FARP1: variants seen among roughly 807,000 people sequenced by gnomAD.
FARP1 encodes FERM, ARHGEF and pleckstrin domain-containing protein 1.
Under a neutral mutation model 128.8 loss-of-function variants are expected in FARP1, and 52 were observed. The observed-to-expected ratio is 0.40, with a 90% confidence interval of 0.32 to 0.51. The LOEUF (loss-of-function observed/expected upper bound fraction) is 0.51, where lower values mean the gene tolerates loss of function less well. FARP1 is among the 20% of genes least tolerant of loss of function. The probability of loss-of-function intolerance (pLI) is 0.45; values close to 1 mark genes in which losing one functional copy is unlikely to be tolerated. For synonymous variants in FARP1, 580 were observed against 551.8 expected (o/e 1.05, Z -0.72); for missense variants, 1,333 against 1,367.9 (o/e 0.97, Z 0.40).
At chr13:98,277,693 C>G (rs1884725945) in intron 2 of FARP1, among the ~76,000 whole-genome samples, 1 of 152,220 alleles carries the variant, frequency 6.6e-6, no homozygotes, top group Non-Finnish European at 1.5e-5. Context: ...AGTCTCAGTT[C>G]CCTGGGCTTG....
intron 26 of FARP1, 78 bp from the exon 27 acceptor site, chr13:98,448,158 T>TTCTGTAAGCGATGCCCACCAAA (rs1892975000): frequency 5.6e-6 from 7 of 1,254,518 alleles, no homozygotes; most frequent in Non-Finnish European, 8.2e-6. Flanking sequence ...CACCTTGTGT[T>TTCTGTAAGCGATGCCCACCAAA]TCTGTAAGCG....
intron 1 of FARP1, among the ~76,000 whole-genome samples, chr13:98,144,863 G>C (rs183575496): frequency 6.6e-6 from 1 of 152,100 alleles, no homozygotes; most frequent in African/African-American, 2.4e-5. Context: ...CAGTGTTCTC[G>C]TAGGGGGTTT....
At position 98,449,166 on chromosome 13, in the gene FARP1, T is replaced by C. The variant is rs1893058621; in HGVS notation, c.*849T>C. The C allele has an allele frequency of 6.6e-6, 1 of 152,246 alleles. No homozygotes were observed. Among genetic ancestry groups the C allele is most frequent in the Admixed American group, 6.5e-5 (1 of 15,284 alleles). 9.4% of individuals were successfully genotyped at this position (152,246 alleles called of 1,614,324 possible). A position where few individuals can be genotyped will look rare whatever the true frequency, so the allele number is the denominator to read the frequency against. On this transcript the variant is annotated 3_prime_UTR_variant, in exon 27 of 27. Coordinates refer to ENST00000319562, the MANE Select transcript of FARP1 (RefSeq NM_005766.4). ...TCATTGATCAGCACCATTTGTGGTA[T>C]GTTCCGTGATGAGCGTTTAGTGAGC...
At chr13:98,224,739 A>G (rs960313911) in intron 2 of FARP1, among the ~76,000 whole-genome samples, 4 of 151,998 alleles carry the variant, frequency 2.6e-5, no homozygotes, top group Admixed American at 6.6e-5. Context: ...GCCTGCAGGC[A>G]GGCAGTGAGA....
intron 1 of FARP1, among the ~76,000 whole-genome samples, chr13:98,182,180 T>G (rs1489204941): frequency 6.6e-6 from 1 of 152,326 alleles, no homozygotes; most frequent in East Asian, 1.9e-4. Context: ...AACATTTCTA[T>G]TCTAATAATG....
intron 1 of FARP1, among the ~76,000 whole-genome samples, chr13:98,171,331 C>T (rs1877638332): frequency 6.6e-6 from 1 of 152,170 alleles, no homozygotes; most frequent in Non-Finnish European, 1.5e-5. Context: ...CTAGCCTCTT[C>T]GTATAGTGAC....
At chr13:98,260,232 T>G (rs924641329) in intron 2 of FARP1, among the ~76,000 whole-genome samples, 11 of 152,182 alleles carry the variant, frequency 7.2e-5, no homozygotes, top group African/African-American at 2.7e-4. Context: ...CTGCACAGCA[T>G]GAAGAAGGTA....
chr13:98,453,043 C>G lies in FARP1; in HGVS notation c.*4726C>G, dbSNP rs754761550. On this transcript the variant is annotated 3_prime_UTR_variant, in exon 27 of 27. Transcript: ENST00000319562. ...ACTGTGTGTGTCCCTGGACGGGCGCCTGGCGCTGGGGTGGCTCCCAGTGGC... is the reference window on the plus strand; with the variant it reads ...ACTGTGTGTGTCCCTGGACGGGCGCGTGGCGCTGGGGTGGCTCCCAGTGGC... 5.9e-6 allele frequency: 6 copies of G among 1,014,554 alleles called. No homozygotes were observed. The highest frequency in any genetic ancestry group is 8.8e-6 in the Non-Finnish European group (6 of 682,218). 62.8% of individuals were successfully genotyped at this position (1,014,554 alleles called of 1,614,324 possible). A position where few individuals can be genotyped will look rare whatever the true frequency, so the allele number is the denominator to read the frequency against.
At chr13:98,153,467 T>TAATACATTATATAA (rs1876216536) in intron 1 of FARP1, among the ~76,000 whole-genome samples, 1 of 42,094 alleles carries the variant, frequency 2.4e-5, no homozygotes, top group Non-Finnish European at 9.1e-5. Flanking sequence ...ACATTATATA[T>TAATACATTATATAA]AAATATGTAT....
At chr13:98,153,048 A>G (rs1006765419) in intron 1 of FARP1, among the ~76,000 whole-genome samples, 1 of 151,862 alleles carries the variant, frequency 6.6e-6, no homozygotes, top group Admixed American at 6.6e-5. Flanking sequence ...TAATATTGTT[A>G]GGAACTTTGT....
At chr13:98,181,785 T>C (rs1489842616) in intron 1 of FARP1, among the ~76,000 whole-genome samples, 1 of 152,052 alleles carries the variant, frequency 6.6e-6, no homozygotes, top group East Asian at 1.9e-4. Flanking sequence ...TGAGCCACTG[T>C]GCCTGGCCAA....
In FARP1 at chr13:98,442,847, G is replaced by A. The variant is rs115947012; in HGVS notation, c.2796+2011G>A. Reference sequence around the variant, plus strand: ...GGAGGAACCGTCTTGGCCTTGCTTCGTCCTGACCTCAGCAATGTGTGAATT... The same window carrying A: ...GGAGGAACCGTCTTGGCCTTGCTTCATCCTGACCTCAGCAATGTGTGAATT... On this transcript the variant is annotated intron_variant, in intron 24 of 26. Transcript: ENST00000319562. 7.9e-3 allele frequency among the ~76,000 whole-genome samples: 1,207 copies of A among 152,334 alleles called. 17 individuals carry two copies. Among genetic ancestry groups the A allele is most frequent in the African/African-American group, 0.028 (1,158 of 41,574 alleles).
At position 98,263,636 on chromosome 13, in the gene FARP1, G is replaced by A. The variant is rs558247013; in HGVS notation, c.171+50223G>A. 1.7e-4 allele frequency among the ~76,000 whole-genome samples: 26 copies of A among 152,312 alleles called. No homozygotes were observed. In the South Asian group the frequency reaches 5.0e-3, roughly 29 times the overall value. The stretch of plus-strand genomic sequence containing the variant: ...TTTCAATTAGCAATTGCTCTTTGAA[G>A]CAATCTCTTCTAAGGAAATAGGTAG... On this transcript the variant is annotated intron_variant, in intron 2 of 26. Coordinates refer to ENST00000319562, the MANE Select transcript of FARP1 (RefSeq NM_005766.4).
At chr13:98,309,675 C>T (rs568305412) in intron 2 of FARP1, among the ~76,000 whole-genome samples, 1 of 152,094 alleles carries the variant, frequency 6.6e-6, no homozygotes, top group Admixed American at 6.5e-5. Context: ...GAGGAGTTGC[C>T]ATATTTGGCA....
intron 11 of FARP1, among the ~76,000 whole-genome samples, chr13:98,392,851 G>A (rs1166847786): frequency 6.7e-6 from 1 of 149,322 alleles, no homozygotes; most frequent in Admixed American, 6.7e-5. Context: ...TTTTGGAGAT[G>A]AATCCCATAA....
At chr13:98,270,913 A>G (rs1884359430) in intron 2 of FARP1, among the ~76,000 whole-genome samples, 1 of 152,218 alleles carries the variant, frequency 6.6e-6, no homozygotes, top group East Asian at 1.9e-4. Context: ...AGGCCAGGGT[A>G]CGAGTCTAGA....
intron 3 of FARP1, among the ~76,000 whole-genome samples, chr13:98,364,255 G>T (rs1394287613): frequency 1.3e-5 from 2 of 152,090 alleles, no homozygotes; most frequent in Non-Finnish European, 1.5e-5. Flanking sequence ...CAGAAAAGTT[G>T]TACTAATCCA....
chr13:98,355,804 G>A (rs754088445), intron 3 of FARP1, among the ~76,000 whole-genome samples: 2 of 142,692 alleles, frequency 1.4e-5, no homozygotes, highest in Non-Finnish European at 3.2e-5. Context: ...TTTCTTTGTG[G>A]CATCCACAAA....
rs529352999 is a variant in FARP1, at chr13:98,337,292, G to T, written c.172-6470G>T. 1.1e-4 allele frequency among the ~76,000 whole-genome samples: 17 copies of T among 152,268 alleles called. No homozygotes were observed. The East Asian group carries it at 2.5e-3, about 22-fold the overall frequency. ...GGAGGCTGAGGTGGGAGGATCGCTT[G>T]AGCCCAGAGATTGAGGTTGCAGTGA... On this transcript the variant is annotated intron_variant, in intron 2 of 26. Transcript: ENST00000319562.
Sources: allele counts gnomAD v4.1 joint callset (sites outside exome capture counted in the v4.1 genomes callset), GRCh38; gene constraint gnomAD v4.1.1; transcripts MANE v1.5; gene names NCBI Gene and HGNC (gene_info 2026-07-23, HGNC 2026-07-21).